FAM167A: variants seen among roughly 807,000 people sequenced by gnomAD.
FAM167A encodes family with sequence similarity 167 member A, also known as protein FAM167A.
In FAM167A, 23 loss-of-function variants were observed where a neutral mutation model predicts 14.9. The ratio of observed to expected loss-of-function variants is 1.55; its 90% CI spans 1.11 to 2.19. The LOEUF (loss-of-function observed/expected upper bound fraction) is 2.19, where lower values mean the gene tolerates loss of function less well. FAM167A is among the 30% of genes most tolerant of loss of function. FAM167A has a pLI of 0.00. For synonymous variants in FAM167A, 174 were observed against 117.7 expected, an observed-to-expected ratio of 1.48 and a Z score of -3.10; for missense variants, 401 against 281.5, an observed-to-expected ratio of 1.42 and a Z score of -3.04.
intron 2 of FAM167A, chr8:11,434,923 G>A (rs1335679714): frequency 2.4e-6 from 1 of 413,202 alleles, no homozygotes; most frequent in Non-Finnish European, 4.9e-6. Context: ...GACTGCTGCT[G>A]GCTGGGTGAG....
rs1366771526 is a variant in FAM167A at position 11,444,803 on chromosome 8, G to C, written c.-392C>G. ...TCTTCTCGGGAAGGGCAGGTGGCTG[G>C]AGACCCTGTGGGAGGGATGAGAACC... On this transcript the variant is annotated 5_prime_UTR_variant, in exon 2 of 3. Coordinates refer to ENST00000284486, the MANE Select transcript of FAM167A (RefSeq NM_053279.3). 20 of 1,005,716 alleles carry C rather than the reference G, an allele frequency of 2.0e-5. No individual in the cohort carries two copies. The East Asian group carries it at 3.2e-4, about 16-fold the overall frequency. 62.3% of individuals were successfully genotyped at this position (1,005,716 alleles called of 1,614,324 possible). A position where few individuals can be genotyped will look rare whatever the true frequency, so the allele number is the denominator to read the frequency against.
rs551171906 is a variant in FAM167A at position 11,453,029 on chromosome 8, C to T, written c.-397-8221G>A. On this transcript the variant is annotated intron_variant, in intron 1 of 2. Coordinates refer to ENST00000284486, the MANE Select transcript of FAM167A (RefSeq NM_053279.3). ...TCACGGCTGCCCCCATTCCCCTGCA[C>T]TCCTGACCCCTCAGCCTGAGCCTGG... 5.3e-5 allele frequency among the ~76,000 whole-genome samples: 8 copies of T among 152,348 alleles called. No homozygotes were observed. In the East Asian group the frequency reaches 7.7e-4, roughly 15 times the overall value.
chr8:11,445,743 A>G (rs1462815722), intron 1 of FAM167A, among the ~76,000 whole-genome samples: 1 of 152,150 alleles, frequency 6.6e-6, no homozygotes, highest in East Asian at 1.9e-4. Context: ...TGGGGTGGGC[A>G]GTGGACATGG....
rs1333723238 is a variant in FAM167A, at chr8:11,444,287, C to T, written c.125G>A (p.Arg42His). The stretch of plus-strand genomic sequence containing the variant: ...CTGCCATTCCAGGTAGGAGGGCCTG[C>T]GGGTCTCCAGCCTCAGTTTCTCGGT... ...ALTEKLRLETRRPSYLEWQAR... is the reference protein window; with the variant it reads ...ALTEKLRLETHRPSYLEWQAR... The change falls in exon 2 of 3, where the codon CGC becomes CAC. Residue 42 changes from arginine (R) to histidine (H), a missense_variant. Physicochemically the swap from Arg to His is conservative, Grantham distance 29. Transcript: ENST00000284486. 24 of 1,611,572 alleles carry T rather than the reference C, an allele frequency of 1.5e-5. 1 individual carries two copies. Among genetic ancestry groups the T allele is most frequent in the South Asian group, 5.5e-5 (5 of 91,042 alleles).
At chr8:11,471,918 G>A (rs1426038990), upstream of FAM167A, among the ~76,000 whole-genome samples, 2 of 152,182 alleles carry the variant, frequency 1.3e-5, no homozygotes, top group African/African-American at 4.8e-5. Context: ...AGTAAGAGGG[G>A]GGCCACAGGT....
At chr8:11,453,965 G>A (rs1451260752) in intron 1 of FAM167A, among the ~76,000 whole-genome samples, 1 of 152,246 alleles carries the variant, frequency 6.6e-6, no homozygotes, top group Non-Finnish European at 1.5e-5. Flanking sequence ...TGGGGTTGCT[G>A]TGCCATCTTC....
chr8:11,446,444 C>G lies in FAM167A; in HGVS notation c.-397-1636G>C, dbSNP rs1419440248. ...AGCAAGCGAGAATCCCCCTGAGGAA[C>G]TGGATTCTGATTCAATTGGTCGAGA... On this transcript the variant is annotated intron_variant, in intron 1 of 2. Transcript: ENST00000284486. 4 of 151,392 alleles carry G rather than the reference C, an allele frequency of 2.6e-5. No homozygotes were observed. The East Asian group carries it at 7.7e-4, about 29-fold the overall frequency. 9.4% of individuals were successfully genotyped at this position (151,392 alleles called of 1,614,324 possible).
chr8:11,444,337 G>T lies in FAM167A; in HGVS notation c.75C>A (p.Asp25Glu). The change falls in exon 2 of 3, where the codon GAC (aspartate) becomes GAA (glutamate). Residue 25 changes from aspartate (D) to glutamate (E), a missense_variant. Physicochemically the swap from Asp to Glu is conservative, Grantham distance 45. Coordinates refer to ENST00000284486, the MANE Select transcript of FAM167A (RefSeq NM_053279.3). ...EGAGAAAPPD[D>E]HLRSLKALTE... ...TGAGGGCCTTCAGGCTCCGGAGGTG[G>T]TCATCGGGTGGTGCGGCTGCTCCCG... 1 of 1,608,326 alleles carries T rather than the reference G, an allele frequency of 6.2e-7. No homozygotes were observed. The highest frequency in any genetic ancestry group is 8.5e-7 in the Non-Finnish European group (1 of 1,177,630).
chr8:11,454,930 C>T (rs1037323725), intron 1 of FAM167A, among the ~76,000 whole-genome samples: 15 of 151,968 alleles, frequency 9.9e-5, no homozygotes, highest in Non-Finnish European at 5.9e-5. Flanking sequence ...GTCCCCTCCT[C>T]CTCCGGGGTT....
intron 1 of FAM167A, among the ~76,000 whole-genome samples, chr8:11,475,789 C>G (rs1037794668): frequency 1.3e-5 from 2 of 152,282 alleles, no homozygotes; most frequent in Admixed American, 1.3e-4. Flanking sequence ...TGCTCTATGT[C>G]CCCTCCCCCA....
intron 2 of FAM167A, among the ~76,000 whole-genome samples, chr8:11,424,919 C>G (rs781142435): frequency 1.3e-5 from 2 of 152,156 alleles, no homozygotes; most frequent in Non-Finnish European, 2.9e-5. Context: ...CCAGTGCTTT[C>G]TCATTGTTTA....
intron 1 of FAM167A, among the ~76,000 whole-genome samples, chr8:11,447,073 G>C (rs1395274379): frequency 6.6e-6 from 1 of 152,242 alleles, no homozygotes; most frequent in Non-Finnish European, 1.5e-5. Flanking sequence ...AGAGGTGAGG[G>C]CATCCCACTG....
At chr8:11,445,580 A>G in intron 1 of FAM167A, 4 of 985,572 alleles carry the variant, frequency 4.1e-6, no homozygotes, top group Non-Finnish European at 4.8e-6. Flanking sequence ...CCTGTTTGGT[A>G]AAGACTTCAG....
At chr8:11,452,348 C>A (rs917599247) in intron 1 of FAM167A, among the ~76,000 whole-genome samples, 1 of 152,234 alleles carries the variant, frequency 6.6e-6, no homozygotes, top group African/African-American at 2.4e-5. Flanking sequence ...CATGCTGGGT[C>A]ATGAGACCAG....
chr8:11,467,826 A>T (rs1175430900), upstream of FAM167A, among the ~76,000 whole-genome samples: 1 of 152,172 alleles, frequency 6.6e-6, no homozygotes, highest in Non-Finnish European at 1.5e-5. Flanking sequence ...TCTGACCTTC[A>T]CTGGAAGGTC....
At chr8:11,440,524 A>T (rs2117068811) in intron 2 of FAM167A, among the ~76,000 whole-genome samples, 1 of 152,308 alleles carries the variant, frequency 6.6e-6, no homozygotes, top group Middle Eastern at 3.4e-3. Flanking sequence ...GCGGGAGCAG[A>T]TTAAGACGAT....
At chr8:11,447,590 G>GGATC (rs1806840234) in intron 1 of FAM167A, among the ~76,000 whole-genome samples, 1 of 152,164 alleles carries the variant, frequency 6.6e-6, no homozygotes, top group Admixed American at 6.5e-5. Context: ...GAGGCAGGCG[G>GGATC]GATCACCCCA....
chr8:11,469,409 C>A (rs987192131), upstream of FAM167A, among the ~76,000 whole-genome samples: 1 of 152,152 alleles, frequency 6.6e-6, no homozygotes, highest in African/African-American at 2.4e-5. Flanking sequence ...CACACTGAAA[C>A]CCAGTGATGG....
chr8:11,425,634 G>A lies in FAM167A; in HGVS notation c.382-998C>T, dbSNP rs147262225. On this transcript the variant is annotated intron_variant, in intron 2 of 2. Coordinates refer to ENST00000284486, the MANE Select transcript of FAM167A (RefSeq NM_053279.3). Reference sequence around the variant, plus strand: ...AAGCCTGAAAACTGAATTCCCAGCCGTGATGGGAATGGAGTTCAGACATGC... The same window carrying A: ...AAGCCTGAAAACTGAATTCCCAGCCATGATGGGAATGGAGTTCAGACATGC... 1.4e-3 allele frequency among the ~76,000 whole-genome samples: 220 copies of A among 151,902 alleles called. 2 individuals are homozygous for A. Among genetic ancestry groups the A allele is most frequent in the African/African-American group, 5.0e-3 (206 of 41,380 alleles).
Sources: allele counts gnomAD v4.1 joint callset (sites outside exome capture counted in the v4.1 genomes callset), GRCh38; gene constraint gnomAD v4.1.1; transcripts MANE v1.5; gene names NCBI Gene and HGNC (gene_info 2026-07-23, HGNC 2026-07-21).